SH2D1A: variants seen among roughly 807,000 people sequenced by gnomAD.
SH2D1A encodes SH2 domain-containing protein 1A.
Under a neutral mutation model 10.1 loss-of-function variants are expected in SH2D1A, and 6 were observed. The observed-to-expected ratio is 0.60, with a 90% CI of 0.33 to 1.18. SH2D1A has a LOEUF of 1.18. Among genes scored for constraint, SH2D1A ranks in the 50% most tolerant of loss-of-function variants. The pLI, the probability that SH2D1A is intolerant of heterozygous loss-of-function variation, is 0.04. For missense variants in SH2D1A, 51 were observed against 97.6 expected, an observed-to-expected ratio of 0.52 and a Z score of 2.01; for synonymous variants, 42 against 36.9, an observed-to-expected ratio of 1.14 and a Z score of -0.51.
At chrX:124,355,011 A>G (rs2060022959) in intron 1 of SH2D1A, among the ~76,000 whole-genome samples, 1 of 112,854 alleles carries the variant, frequency 8.9e-6, no homozygotes, top group Admixed American at 9.4e-5. Flanking sequence ...TGTGTAGGAT[A>G]CTATTCCTCT....
intron 1 of SH2D1A, among the ~76,000 whole-genome samples, chrX:124,362,994 A>G (rs1374903557): frequency 9.0e-6 from 1 of 111,162 alleles, no homozygotes; most frequent in Non-Finnish European, 1.9e-5. Flanking sequence ...GCTCAAAATG[A>G]AACTTATGTT....
chrX:124,371,589 GA>G lies in SH2D1A; in HGVS notation c.*203del, dbSNP rs67202578. 35,116 of 281,789 alleles carry G rather than the reference GA, an allele frequency of 0.12. 2,058 individuals carry two copies. Among genetic ancestry groups the G allele is most frequent in the East Asian group, 0.3 (6,000 of 20,249 alleles). 23.2% of individuals were successfully genotyped at this position (281,789 alleles called of 1,213,427 possible). On this transcript the variant is annotated 3_prime_UTR_variant, in exon 4 of 4. Coordinates refer to ENST00000371139, the MANE Select transcript of SH2D1A (RefSeq NM_002351.5). ...TGAGGAGCTTTGAAACGAGGATTGG[GA>G]AAAAGTAATTCCGTAGGTTATTTTC...
chrX:124,364,512 G>A (rs1271435982), intron 1 of SH2D1A: 3 of 205,394 alleles, frequency 1.5e-5, no homozygotes, highest in Non-Finnish European at 2.7e-5. Context: ...AAGCGATACA[G>A]TTTTTTTTTT....
intron 1 of SH2D1A, among the ~76,000 whole-genome samples, chrX:124,360,894 G>A (rs779307520): frequency 9.0e-6 from 1 of 110,912 alleles, no homozygotes; most frequent in Non-Finnish European, 1.9e-5. Flanking sequence ...TCAGGAACTG[G>A]GGATCTAGAA....
At chrX:124,369,109 C>T (rs1429857875) in intron 2 of SH2D1A, among the ~76,000 whole-genome samples, 2 of 111,124 alleles carry the variant, frequency 1.8e-5, no homozygotes, top group Non-Finnish European at 3.8e-5. Flanking sequence ...GTGTAGTATG[C>T]TATCTTCAGC....
chrX:124,362,221 G>T (rs1310635582), intron 1 of SH2D1A, among the ~76,000 whole-genome samples: 2 of 112,203 alleles, frequency 1.8e-5, no homozygotes, highest in Admixed American at 9.4e-5. Flanking sequence ...TGGAGGGTAA[G>T]GCTGCCTCTA....
chrX:124,371,301 T>G, intron 3 of SH2D1A, 50 bp from the exon 4 acceptor site: 1 of 877,359 alleles, frequency 1.1e-6, no homozygotes. Flanking sequence ...ATCTGTAATT[T>G]TAATAGTTTG....
rs969417475 is a variant in SH2D1A at position 124,372,131 on chromosome X, T to C, written c.*740T>C. ...CTCTGCCCCAGTTGTTTCTACTACATGGAAGACCTCATTTTGAAGGGAAAT... is the reference window on the plus strand; with the variant it reads ...CTCTGCCCCAGTTGTTTCTACTACACGGAAGACCTCATTTTGAAGGGAAAT... On this transcript the variant is annotated 3_prime_UTR_variant, in exon 4 of 4. Coordinates refer to ENST00000371139, the MANE Select transcript of SH2D1A (RefSeq NM_002351.5). The C allele has an allele frequency of 6.2e-6, 1 of 162,465 alleles. No homozygotes were observed. Among genetic ancestry groups the C allele is most frequent in the Non-Finnish European group, 1.2e-5 (1 of 84,272 alleles). The allele number at this position is 162,465 out of a possible 1,213,427, so 13.4% of individuals were successfully genotyped here.
intron 1 of SH2D1A, among the ~76,000 whole-genome samples, chrX:124,361,067 G>C (rs1037947714): frequency 2.7e-5 from 3 of 111,668 alleles, no homozygotes. Context: ...GCATGTGCTA[G>C]AAACTTAACT....
rs149324130 is a variant in SH2D1A at position 124,353,396 on chromosome X, A to G, written c.137+6617A>G. 5.5e-3 allele frequency among the ~76,000 whole-genome samples: 612 copies of G among 111,531 alleles called. 3 individuals are homozygous for G. Among genetic ancestry groups the G allele is most frequent in the African/African-American group, 0.019 (585 of 30,743 alleles). On this transcript the variant is annotated intron_variant, in intron 1 of 3. Coordinates refer to ENST00000371139, the MANE Select transcript of SH2D1A (RefSeq NM_002351.5). ...ATCATAAATGGGATCTGTTTCCACT[A>G]TATTTTCTGTTTCATAGGAAAGCTA...
chrX:124,371,465 A>C lies in SH2D1A; in HGVS notation c.*74A>C. 4 of 676,699 alleles carry C rather than the reference A, an allele frequency of 5.9e-6. No homozygotes were observed. The highest frequency in any genetic ancestry group is 9.0e-6 in the Non-Finnish European group (4 of 442,911). The allele number at this position is 676,699 out of a possible 1,213,427, so 55.8% of individuals were successfully genotyped here. On this transcript the variant is annotated 3_prime_UTR_variant, in exon 4 of 4. Transcript: ENST00000371139. ...CTAAGTCTTATATATTGTAGATAAT[A>C]CAGTTCGGTGAGCTACAAATGCATT... is the stretch of plus-strand genomic sequence containing the variant.
chrX:124,347,011 C>T (rs2059995016), intron 1 of SH2D1A, among the ~76,000 whole-genome samples: 1 of 111,522 alleles, frequency 9.0e-6, no homozygotes, highest in South Asian at 3.8e-4. Context: ...AGAAGGCCCT[C>T]ACCAGAGCCT....
intron 2 of SH2D1A, among the ~76,000 whole-genome samples, chrX:124,366,140 T>C (rs991305866): frequency 9.0e-6 from 1 of 111,160 alleles, no homozygotes; most frequent in African/African-American, 3.3e-5. Context: ...TGAACAATTA[T>C]TTACCAAATG....
intron 1 of SH2D1A, among the ~76,000 whole-genome samples, chrX:124,348,427 T>C (rs9633189): frequency 0.2 from 22,264 of 110,673 alleles, 1,633 homozygotes; most frequent in South Asian, 0.28. Flanking sequence ...AGAGGCAAGA[T>C]ATACCTAAGG....
chrX:124,370,425 T>G, intron 3 of SH2D1A, 105 bp downstream of exon 3: 1 of 679,385 alleles, frequency 1.5e-6, no homozygotes, highest in South Asian at 2.3e-5. Context: ...AAAAATGCAG[T>G]GAGAAAGTAG....
At chrX:124,357,609 A>G (rs2060029438) in intron 1 of SH2D1A, among the ~76,000 whole-genome samples, 1 of 111,606 alleles carries the variant, frequency 9.0e-6, no homozygotes, top group East Asian at 2.8e-4. Context: ...ATTCCCACCA[A>G]CAGTGTGCAA....
chrX:124,366,390 G>T (rs969649495), intron 2 of SH2D1A, among the ~76,000 whole-genome samples: 1 of 110,312 alleles, frequency 9.1e-6, no homozygotes, highest in Non-Finnish European at 1.9e-5. Flanking sequence ...TTTGTAAACG[G>T]AGCCTAAGAA....
At chrX:124,360,925 T>A (rs1225694495) in intron 1 of SH2D1A, among the ~76,000 whole-genome samples, 1 of 111,388 alleles carries the variant, frequency 9.0e-6, no homozygotes, top group Non-Finnish European at 1.9e-5. Context: ...CTGATTCAAA[T>A]CCCATTTTTG....
At chrX:124,349,417 A>G (rs763761073) in intron 1 of SH2D1A, among the ~76,000 whole-genome samples, 3 of 111,593 alleles carry the variant, frequency 2.7e-5, no homozygotes, top group Admixed American at 9.5e-5. Context: ...TAAACCACGT[A>G]CTCATTTTAA....
Sources: gnomAD v4.1 joint callset for allele counts (sites outside exome capture counted in the v4.1 genomes callset) on GRCh38, gnomAD v4.1.1 for gene constraint, MANE v1.5 for transcripts, NCBI Gene and HGNC (gene_info 2026-07-23, HGNC 2026-07-21) for gene names.